Variants in HIRA observed in about 807,000 individuals in gnomAD.
HIRA encodes the protein protein HIRA.
In HIRA, 13 loss-of-function variants were observed where a neutral mutation model predicts 126.6. That is an observed-to-expected ratio of 0.10 (90% CI 0.07 to 0.16). The LOEUF (loss-of-function observed/expected upper bound fraction) is 0.16, where lower values mean the gene tolerates loss of function less well. Ranked by LOEUF, HIRA falls within the 10% of genes least tolerant of loss-of-function variation. The pLI is 1.00. For synonymous variants in HIRA, 511 were observed against 520.0 expected (o/e 0.98, Z 0.24); for missense variants, 834 against 1,314.4 (o/e 0.63, Z 5.65).
intron 15 of HIRA, among the ~76,000 whole-genome samples, chr22:19,375,313 G>A (rs1011291599): frequency 2.0e-5 from 3 of 152,020 alleles, no homozygotes; most frequent in Non-Finnish European, 2.9e-5. Context: ...GCTCTCTTCC[G>A]TGCAAACTCT....
At position 19,356,958 on chromosome 22, in the gene HIRA, C is replaced by A. The variant is rs782390683; in HGVS notation, c.2328G>T (p.Pro776=). The change falls in exon 19 of 25, where the codon CCG becomes CCT. Residue 776 remains proline, a synonymous_variant. Transcript: ENST00000263208. ...AGCCTGTGCAATGCAAAGTAGAGAT[C>A]GGGGATGGCAGGAGGATGGGAGAGA... ...RLLSPILLPS[P]ISTLHCTGSY... is the part of the protein sequence containing the mutation. 5.6e-6 allele frequency: 9 copies of A among 1,613,884 alleles called. No individual in the cohort carries two copies. Among genetic ancestry groups the A allele is most frequent in the Non-Finnish European group, 7.6e-6 (9 of 1,180,030 alleles).
intron 10 of HIRA, 27 bp from the exon 11 acceptor site, chr22:19,387,843 G>T: frequency 6.4e-7 from 1 of 1,551,560 alleles, no homozygotes; most frequent in Non-Finnish European, 8.8e-7. Context: ...TCAGCAGCCT[G>T]GTAGCAAGAG....
At chr22:19,413,995 TC>T (rs1403685266) in intron 1 of HIRA, among the ~76,000 whole-genome samples, 2 of 152,212 alleles carry the variant, frequency 1.3e-5, no homozygotes, top group East Asian at 3.9e-4. Context: ...AGACAACTCT[TC>T]CTGTGGCACA....
intron 24 of HIRA, among the ~76,000 whole-genome samples, chr22:19,333,289 A>G (rs2088516147): frequency 6.6e-6 from 1 of 152,226 alleles, no homozygotes; most frequent in Admixed American, 6.5e-5. Context: ...AAGAAATAAT[A>G]TTAGAAATAA....
chr22:19,384,747 C>T (rs1018088602), intron 12 of HIRA, among the ~76,000 whole-genome samples: 1 of 151,802 alleles, frequency 6.6e-6, no homozygotes, highest in East Asian at 1.9e-4. Context: ...ATCTGCTTCC[C>T]GGGTTTAAGC....
chr22:19,409,102 G>T (rs1017702399), intron 2 of HIRA, among the ~76,000 whole-genome samples: 32 of 152,110 alleles, frequency 2.1e-4, no homozygotes, highest in Middle Eastern at 3.2e-3. Context: ...TTCCAGAGCC[G>T]ACTGTTTTGA....
intron 15 of HIRA, among the ~76,000 whole-genome samples, chr22:19,362,743 TAG>T (rs1349149805): frequency 6.6e-6 from 1 of 151,530 alleles, no homozygotes; most frequent in Non-Finnish European, 1.5e-5. Flanking sequence ...GTATTATTAG[TAG>T]AGACAGGGTT....
chr22:19,390,882 C>T (rs1038980635), intron 9 of HIRA, among the ~76,000 whole-genome samples: 6 of 152,012 alleles, frequency 3.9e-5, no homozygotes, highest in African/African-American at 1.2e-4. Flanking sequence ...CCAGCGTAAA[C>T]ACCTGTCAGC....
chr22:19,335,000 G>A (rs115830796), intron 24 of HIRA, among the ~76,000 whole-genome samples: 168 of 152,158 alleles, frequency 1.1e-3, no homozygotes, highest in African/African-American at 3.9e-3. Flanking sequence ...GTATGTGCAT[G>A]AGTTTTATTT....
chr22:19,404,549 C>A (rs9306218), intron 5 of HIRA, among the ~76,000 whole-genome samples: 13,306 of 152,206 alleles, frequency 0.087, 1,940 homozygotes, highest in African/African-American at 0.3. Context: ...TCTATGGCCG[C>A]CACCAAGATG....
intron 24 of HIRA, among the ~76,000 whole-genome samples, chr22:19,349,992 CT>C (rs1241492973): frequency 1.2e-3 from 172 of 144,764 alleles, no homozygotes; most frequent in Non-Finnish European, 1.2e-3. Context: ...TTTTTCTTTT[CT>C]TTTTTTTTTT....
rs782305465 is a variant in HIRA at position 19,356,305 on chromosome 22, G to C, written c.2397-17C>G. ...TGAACATCCCTAGGAGGGAGACAGG[G>C]AACAGTTTACTCACCAACCCAGGTA... On this transcript the variant is annotated splice_polypyrimidine_tract_variant and intron_variant, in intron 19 of 24. Transcript: ENST00000263208. 6.2e-7 allele frequency: 1 copy of C among 1,612,262 alleles called. No homozygotes were observed. The highest frequency in any genetic ancestry group is 1.7e-5 in the Admixed American group (1 of 60,000).
At chr22:19,409,612 T>C (rs2089335746) in intron 2 of HIRA, among the ~76,000 whole-genome samples, 1 of 152,202 alleles carries the variant, frequency 6.6e-6, no homozygotes, top group Admixed American at 6.5e-5. Flanking sequence ...TTTCCATCAC[T>C]GATATCTAAC....
rs151184327 is a variant in HIRA, at chr22:19,361,294, T to C, written c.2028A>G (p.Ala676=). ...TAEKEAMCLS[A]PALALKLPIP... is the part of the protein sequence containing the mutation. ...TTGGCAGCTTCAGTGCAAGTGCTGGTGCAGACAGACACATGGCCTCCTTCT... is the reference window on the plus strand; with the variant it reads ...TTGGCAGCTTCAGTGCAAGTGCTGGCGCAGACAGACACATGGCCTCCTTCT... The change falls in exon 17 of 25, where the codon GCA becomes GCG. Residue 676 remains alanine (A), a synonymous_variant. Coordinates refer to ENST00000263208, the MANE Select transcript of HIRA (RefSeq NM_003325.4). The C allele has an allele frequency of 5.0e-5, 80 of 1,614,106 alleles. No individual in the cohort carries two copies. In the African/African-American group the frequency reaches 1.0e-3, roughly 21 times the overall value.
chr22:19,341,682 C>G (rs897465844), intron 24 of HIRA, among the ~76,000 whole-genome samples: 5 of 152,042 alleles, frequency 3.3e-5, no homozygotes, highest in Non-Finnish European at 2.9e-5. Context: ...ACAAAGCAAA[C>G]AAAAATACAG....
In HIRA at chr22:19,387,820, A is replaced by G; in HGVS notation, c.1008-4T>C. 7 of 1,608,490 alleles carry G rather than the reference A, an allele frequency of 4.4e-6. No homozygotes were observed. The highest frequency in any genetic ancestry group is 5.1e-6 in the Non-Finnish European group (6 of 1,177,036). ...GATGCCCAGCCCATTCAGAGTCCTG[A>G]AAGACATGGCCATCAGCAGCCTGGT... On this transcript the variant is annotated splice_region_variant and splice_polypyrimidine_tract_variant and intron_variant, in intron 10 of 24. Transcript: ENST00000263208.
At chr22:19,386,516 C>T (rs960615927) in intron 11 of HIRA, among the ~76,000 whole-genome samples, 6 of 152,236 alleles carry the variant, frequency 3.9e-5, no homozygotes, top group Admixed American at 1.3e-4. Context: ...TGAGAGGCAG[C>T]GTTCCAAGAG....
At chr22:19,391,672 G>C (rs9604960) in intron 9 of HIRA, among the ~76,000 whole-genome samples, 1 of 151,794 alleles carries the variant, frequency 6.6e-6, no homozygotes, top group Non-Finnish European at 1.5e-5. Flanking sequence ...AGTAGAGACG[G>C]GGTTTCACTG....
intron 24 of HIRA, among the ~76,000 whole-genome samples, chr22:19,348,180 G>A (rs1203595545): frequency 6.6e-6 from 1 of 152,208 alleles, no homozygotes; most frequent in African/African-American, 2.4e-5. Flanking sequence ...CTACTCCCAA[G>A]AAGTTGGCAG....
Sources: gnomAD v4.1 joint callset for allele counts (sites outside exome capture counted in the v4.1 genomes callset) on GRCh38, gnomAD v4.1.1 for gene constraint, MANE v1.5 for transcripts, NCBI Gene and HGNC (gene_info 2026-07-23, HGNC 2026-07-21) for gene names.